Variants in MTMR1 observed in about 807,000 individuals in gnomAD.
The protein encoded by MTMR1 is myotubularin related protein 1, also known as phosphatidylinositol-3-phosphate phosphatase MTMR1.
In MTMR1, 17 loss-of-function variants were observed where a neutral mutation model predicts 51.6. The observed-to-expected ratio is 0.33, with a 90% CI of 0.23 to 0.49. The LOEUF (loss-of-function observed/expected upper bound fraction) is 0.49. Ranked by LOEUF, MTMR1 falls within the 20% of genes least tolerant of loss-of-function variation. MTMR1 has a pLI of 0.99. For synonymous variants in MTMR1, 201 were observed against 205.6 expected (o/e 0.98, Z 0.19); for missense variants, 386 against 526.9 (o/e 0.73, Z 2.62).
intron 15 of MTMR1, among the ~76,000 whole-genome samples, chrX:150,757,295 C>G (rs1174493058): frequency 8.9e-6 from 1 of 112,713 alleles, no homozygotes; most frequent in Non-Finnish European, 1.9e-5. Flanking sequence ...GGGTGCGCCC[C>G]GCTGCCCCAG....
chrX:150,740,718 C>T lies in MTMR1; in HGVS notation c.1473+3270C>T, dbSNP rs782117421. The stretch of plus-strand genomic sequence containing the variant: ...AAAGAAAAGAAATTTATTTGGCTCA[C>T]GATTCTGCAGGCTGTACAAGAAGCA... On this transcript the variant is annotated intron_variant, in intron 12 of 15. Transcript: ENST00000445323. Among the ~76,000 whole-genome samples, 8 of 111,299 alleles carry T rather than the reference C, an allele frequency of 7.2e-5. No homozygotes were observed. In the East Asian group the frequency reaches 1.1e-3, roughly 16 times the overall value.
chrX:150,764,081 A>G lies in MTMR1; in HGVS notation c.*1352A>G, dbSNP rs1164287010. ...CACTGGCTGCAGGAATTCAGCCTTT[A>G]GAGGCAGAGGCAGCTGCAGCGGCCC... On this transcript the variant is annotated 3_prime_UTR_variant, in exon 16 of 16. Transcript: ENST00000445323. 8.9e-6 allele frequency: 1 copy of G among 112,706 alleles called. No homozygotes were observed. Among genetic ancestry groups the G allele is most frequent in the Non-Finnish European group, 1.9e-5 (1 of 53,328 alleles). 9.3% of individuals were successfully genotyped at this position (112,706 alleles called of 1,213,427 possible).
At chrX:150,760,503 G>C (rs1406833037) in intron 15 of MTMR1, among the ~76,000 whole-genome samples, 1 of 112,183 alleles carries the variant, frequency 8.9e-6, no homozygotes, top group Non-Finnish European at 1.9e-5. Context: ...CTTATGTCTT[G>C]TGATGCTAGT....
At chrX:150,706,840 A>C (rs1051863758) in intron 2 of MTMR1, among the ~76,000 whole-genome samples, 1 of 112,034 alleles carries the variant, frequency 8.9e-6, no homozygotes, top group Admixed American at 9.5e-5. Context: ...AGTCTAAATG[A>C]CTTCAAGACA....
intron 4 of MTMR1, among the ~76,000 whole-genome samples, chrX:150,724,516 A>G (rs1490479081): frequency 8.9e-6 from 1 of 111,824 alleles, no homozygotes; most frequent in Admixed American, 9.5e-5. Context: ...ATAGTTTGCA[A>G]ATATTTTCTC....
intron 3 of MTMR1, among the ~76,000 whole-genome samples, chrX:150,714,999 T>G (rs1224766371): frequency 8.9e-6 from 1 of 112,184 alleles, no homozygotes; most frequent in Non-Finnish European, 1.9e-5. Context: ...CTTGAGTGCT[T>G]ACTCTGCTCA....
upstream of MTMR1, chrX:150,693,387 C>T: frequency 6.9e-6 from 5 of 719,693 alleles, no homozygotes; most frequent in Non-Finnish European, 8.2e-6. Context: ...TAACGCGGGG[C>T]CGCCAGGTGA....
intron 8 of MTMR1, 142 bp from the exon 9 acceptor site, chrX:150,731,328 T>C: frequency 2.1e-6 from 1 of 469,695 alleles, no homozygotes; most frequent in Non-Finnish European, 3.3e-6. Context: ...AATATATATA[T>C]TGACTTTTAA....
intron 2 of MTMR1, among the ~76,000 whole-genome samples, chrX:150,705,665 A>G (rs2041071460): frequency 8.9e-6 from 1 of 111,895 alleles, no homozygotes; most frequent in Non-Finnish European, 1.9e-5. Context: ...AAACTGGAAG[A>G]GAAGTTGTCA....
In MTMR1 at chrX:150,736,709, G is replaced by T. The variant is rs1557417172; in HGVS notation, c.1195G>T (p.Val399Leu). The T allele has an allele frequency of 8.3e-7, 1 of 1,210,137 alleles. No homozygotes were observed. The highest frequency in any genetic ancestry group is 1.1e-6 in the Non-Finnish European group (1 of 895,147). ...RESLRKLKEI[V>L]YPSIDEARWL... is the part of the protein sequence containing the mutation. Reference sequence around the variant, plus strand: ...GTCACTACGCAAATTAAAAGAGATTGTGTACCCTTCGATCGATGAGGCGCG... The same window carrying T: ...GTCACTACGCAAATTAAAAGAGATTTTGTACCCTTCGATCGATGAGGCGCG... Residue 399 changes from valine (V) to leucine (L), a missense_variant, in exon 11 of 16, where the codon GTG (valine) becomes TTG (leucine). Coordinates refer to ENST00000445323, the MANE Select transcript of MTMR1 (RefSeq NM_001306144.3).
intron 14 of MTMR1, among the ~76,000 whole-genome samples, chrX:150,753,672 T>C (rs1452566652): frequency 2.7e-5 from 3 of 112,357 alleles, no homozygotes; most frequent in Non-Finnish European, 5.6e-5. Flanking sequence ...GTTTGTCCTT[T>C]TTATTATGGA....
chrX:150,721,229 T>A (rs2041736278), intron 4 of MTMR1, among the ~76,000 whole-genome samples: 1 of 112,221 alleles, frequency 8.9e-6, no homozygotes, highest in Admixed American at 9.4e-5. Context: ...TACGTCAATA[T>A]TCATTTATGA....
At position 150,764,731 on chromosome X, in the gene MTMR1, T is replaced by C. The variant is rs1469070517; in HGVS notation, c.*2002T>C. On this transcript the variant is annotated 3_prime_UTR_variant, in exon 16 of 16. Transcript: ENST00000445323. ...CAACGGGTCATTTTCCTTTGTATGT[T>C]CCTAGCGCAGAACTGTTTCTAAAAC... 1 of 112,574 alleles carries C rather than the reference T, an allele frequency of 8.9e-6. No homozygotes were observed. Among genetic ancestry groups the C allele is most frequent in the Non-Finnish European group, 1.9e-5 (1 of 53,337 alleles). The allele number at this position is 112,574 out of a possible 1,213,427, so 9.3% of individuals were successfully genotyped here. A position where few individuals can be genotyped will look rare whatever the true frequency, so the allele number is the denominator to read the frequency against.
At chrX:150,712,874 T>C in intron 3 of MTMR1, 3 of 754,041 alleles carry the variant, frequency 4.0e-6, no homozygotes, top group Non-Finnish European at 5.0e-6. Flanking sequence ...CCAGTTACTA[T>C]TTTTTAAAAT....
chrX:150,719,636 C>T (rs1318692681), intron 4 of MTMR1, among the ~76,000 whole-genome samples: 1 of 111,944 alleles, frequency 8.9e-6, no homozygotes, highest in Non-Finnish European at 1.9e-5. Context: ...TTATGTCATG[C>T]CCCTGCTTCT....
intron 3 of MTMR1, among the ~76,000 whole-genome samples, chrX:150,715,791 C>T (rs143275195): frequency 7.2e-4 from 81 of 112,534 alleles, no homozygotes; most frequent in African/African-American, 2.5e-3. Context: ...TCTTTTTTGC[C>T]ATTTAAAAGG....
intron 12 of MTMR1, among the ~76,000 whole-genome samples, chrX:150,742,632 C>A (rs1014873895): frequency 9.2e-6 from 1 of 109,122 alleles, no homozygotes; most frequent in South Asian, 4.0e-4. Context: ...TTGGCTAACA[C>A]GGTGAAACCC....
chrX:150,760,073 G>A (rs1402098265), intron 15 of MTMR1, among the ~76,000 whole-genome samples: 2 of 109,453 alleles, frequency 1.8e-5, no homozygotes, highest in African/African-American at 6.5e-5. Flanking sequence ...AGGGTAGTAG[G>A]TGTGTGGTCC....
Position 150,730,160 on chromosome X carries a change from G to A in MTMR1, c.607G>A (p.Gly203Arg), listed in dbSNP as rs782507617. 23 of 1,206,140 alleles carry A rather than the reference G, an allele frequency of 1.9e-5. No homozygotes were observed. The highest frequency in any genetic ancestry group is 2.5e-5 in the Non-Finnish European group (22 of 892,961). ...AYKQEEQSKL[G>R]IFENLNKHAF... ...TAAACAGGAAGAACAGAGTAAACTAGGGATATTTGAAAACCTCAACAAACA... is the reference window on the plus strand; with the variant it reads ...TAAACAGGAAGAACAGAGTAAACTAAGGATATTTGAAAACCTCAACAAACA... The change falls in exon 7 of 16, where the codon GGG becomes AGG. Residue 203 changes from glycine to arginine, a missense_variant. Coordinates refer to ENST00000445323, the MANE Select transcript of MTMR1 (RefSeq NM_001306144.3).
Sources: allele counts gnomAD v4.1 joint callset (sites outside exome capture counted in the v4.1 genomes callset), GRCh38; gene constraint gnomAD v4.1.1; transcripts MANE v1.5; gene names NCBI Gene and HGNC (gene_info 2026-07-23, HGNC 2026-07-21).